ARHGAP24: variants seen among roughly 807,000 people sequenced by gnomAD.
The protein encoded by ARHGAP24 is rho GTPase-activating protein 24.
A neutral mutation model predicts 76.4 loss-of-function variants in ARHGAP24; 50 were observed. The ratio of observed to expected loss-of-function variants is 0.65; its 90% confidence interval spans 0.52 to 0.83. ARHGAP24 has a LOEUF of 0.83. Ranked by LOEUF, ARHGAP24 falls within the 40% of genes least tolerant of loss-of-function variation. ARHGAP24 has a pLI of 0.00. For synonymous variants in ARHGAP24, 345 were observed against 323.3 expected (o/e 1.07, Z -0.72); for missense variants, 930 against 914.2 (o/e 1.02, Z -0.22).
At chr4:85,809,231 C>A (rs1043964673) in intron 3 of ARHGAP24, among the ~76,000 whole-genome samples, 4 of 152,216 alleles carry the variant, frequency 2.6e-5, no homozygotes, top group African/African-American at 9.6e-5. Context: ...TTTCAACATT[C>A]TTAACATTTT....
At chr4:85,611,227 G>C (rs1405460417) in intron 2 of ARHGAP24, among the ~76,000 whole-genome samples, 2 of 152,090 alleles carry the variant, frequency 1.3e-5, no homozygotes, top group Non-Finnish European at 2.9e-5. Flanking sequence ...TAGTTTAGTG[G>C]ATAAGTGAAT....
At chr4:85,592,243 T>G (rs926750134) in intron 2 of ARHGAP24, among the ~76,000 whole-genome samples, 1 of 152,344 alleles carries the variant, frequency 6.6e-6, no homozygotes, top group Admixed American at 6.5e-5. Flanking sequence ...AGATGAATGC[T>G]TCTCTGATGA....
intron 1 of ARHGAP24, among the ~76,000 whole-genome samples, chr4:85,533,607 C>T (rs1214591368): frequency 6.6e-6 from 1 of 152,066 alleles, no homozygotes; most frequent in Non-Finnish European, 1.5e-5. Context: ...AAGGGGTATT[C>T]TCCCTCACAG....
chr4:85,773,510 A>G (rs1259686849), intron 3 of ARHGAP24, among the ~76,000 whole-genome samples: 1 of 152,024 alleles, frequency 6.6e-6, no homozygotes, highest in East Asian at 1.9e-4. Context: ...CTGCATTCAA[A>G]TTGTATTTTG....
chr4:85,814,879 G>A lies in ARHGAP24; in HGVS notation c.268+92907G>A, dbSNP rs1200596902. On this transcript the variant is annotated intron_variant, in intron 3 of 9. Transcript: ENST00000395184. ...TAGCAGAGGTTCTCCATGAGAGCCC[G>A]ACCCCTGCAACAACCTTCTGCCTGA... Among the ~76,000 whole-genome samples the A allele has an allele frequency of 3.3e-5, 5 of 152,138 alleles. No homozygotes were observed. In the South Asian group the frequency reaches 6.2e-4, roughly 19 times the overall value.
chr4:85,896,259 T>A (rs1255627172), intron 3 of ARHGAP24, among the ~76,000 whole-genome samples: 1 of 152,254 alleles, frequency 6.6e-6, no homozygotes, highest in Non-Finnish European at 1.5e-5. Context: ...TCTATCCAGT[T>A]AATATTACTT....
intron 3 of ARHGAP24, among the ~76,000 whole-genome samples, chr4:85,841,785 T>C (rs1214488264): frequency 1.3e-5 from 2 of 152,228 alleles, no homozygotes; most frequent in African/African-American, 4.8e-5. Context: ...TATACAGACC[T>C]AGGCATCAGC....
At chr4:85,714,911 T>G (rs1724678621) in intron 2 of ARHGAP24, among the ~76,000 whole-genome samples, 2 of 152,164 alleles carry the variant, frequency 1.3e-5, no homozygotes, top group African/African-American at 4.8e-5. Flanking sequence ...TAAATTGGCT[T>G]AACAGCTAAT....
intron 1 of ARHGAP24, among the ~76,000 whole-genome samples, chr4:85,569,230 A>G (rs1216611392): frequency 6.6e-6 from 1 of 152,260 alleles, no homozygotes; most frequent in African/African-American, 2.4e-5. Context: ...CTGGACAGGA[A>G]TAATCTACGT....
intron 3 of ARHGAP24, among the ~76,000 whole-genome samples, chr4:85,832,546 C>G (rs1730046505): frequency 6.6e-6 from 1 of 152,148 alleles, no homozygotes. Flanking sequence ...TACTTAGTAT[C>G]ATTTTGCCAT....
At chr4:85,517,907 T>C (rs1724578010) in intron 1 of ARHGAP24, among the ~76,000 whole-genome samples, 2 of 152,120 alleles carry the variant, frequency 1.3e-5, no homozygotes, top group Admixed American at 1.3e-4. Flanking sequence ...TGCCTAGTGA[T>C]CTAATGTAGG....
Position 85,836,805 on chromosome 4 carries a change from C to A in ARHGAP24, c.269-86843C>A, listed in dbSNP as rs114955118. 7.4e-3 allele frequency among the ~76,000 whole-genome samples: 1,128 copies of A among 152,310 alleles called. 16 individuals carry two copies. The highest frequency in any genetic ancestry group is 0.024 in the African/African-American group (991 of 41,560). On this transcript the variant is annotated intron_variant, in intron 3 of 9. Transcript: ENST00000395184. ...AAGTGTGGTCAGTGACTAGCAGCAT[C>A]AGTATCCTGTCAGCGCTGGTAAGAA...
At chr4:85,707,824 G>A (rs1481438011) in intron 2 of ARHGAP24, among the ~76,000 whole-genome samples, 1 of 152,192 alleles carries the variant, frequency 6.6e-6, no homozygotes, top group Non-Finnish European at 1.5e-5. Flanking sequence ...AGACCAGCAT[G>A]ACTATTGCAC....
intron 3 of ARHGAP24, among the ~76,000 whole-genome samples, chr4:85,874,190 A>G (rs1732693964): frequency 6.6e-6 from 1 of 152,192 alleles, no homozygotes; most frequent in Non-Finnish European, 1.5e-5. Flanking sequence ...CTTAGTGGGC[A>G]TTGTCACTTA....
At chr4:85,602,410 G>A (rs952511846) in intron 2 of ARHGAP24, among the ~76,000 whole-genome samples, 17 of 152,144 alleles carry the variant, frequency 1.1e-4, no homozygotes, top group Non-Finnish European at 1.8e-4. Flanking sequence ...CAACTATTTT[G>A]TTGTGCTCAG....
chr4:85,851,528 C>T (rs4423865), intron 3 of ARHGAP24, among the ~76,000 whole-genome samples: 72,376 of 151,966 alleles, frequency 0.48, 18,746 homozygotes, highest in East Asian at 0.86. Flanking sequence ...TAGTTGATGC[C>T]GTTTCTTCCT....
At chr4:85,843,103 T>C (rs1042280653) in intron 3 of ARHGAP24, among the ~76,000 whole-genome samples, 1 of 152,262 alleles carries the variant, frequency 6.6e-6, no homozygotes, top group African/African-American at 2.4e-5. Context: ...CATATTATTT[T>C]GTAGAAAATG....
chr4:85,939,041 C>G (rs1736810188), intron 4 of ARHGAP24, among the ~76,000 whole-genome samples: 1 of 152,166 alleles, frequency 6.6e-6, no homozygotes, highest in Admixed American at 6.5e-5. Context: ...CAAGCCTTAG[C>G]TCCACCATTT....
In ARHGAP24 at chr4:85,620,593, A is replaced by G. The variant is rs1443956959; in HGVS notation, c.180+49872A>G. ...TGTCAATTTTGCTGATTTTTCAGCA[A>G]AACAACTCTTAGTTTCATTGATCTT... On this transcript the variant is annotated intron_variant, in intron 2 of 9. Coordinates refer to ENST00000395184, the MANE Select transcript of ARHGAP24 (RefSeq NM_001025616.3). Among the ~76,000 whole-genome samples, 14 of 151,950 alleles carry G rather than the reference A, an allele frequency of 9.2e-5. No individual in the cohort carries two copies. In the East Asian group the frequency reaches 2.5e-3, roughly 27 times the overall value.
Sources: allele counts gnomAD v4.1 joint callset (sites outside exome capture counted in the v4.1 genomes callset), GRCh38; gene constraint gnomAD v4.1.1; transcripts MANE v1.5; gene names NCBI Gene and HGNC (gene_info 2026-07-23, HGNC 2026-07-21).